KPNA6: variants seen among roughly 807,000 people sequenced by gnomAD.
KPNA6 encodes karyopherin subunit alpha 6, also known as importin subunit alpha-7.
Under a neutral mutation model 72.0 loss-of-function variants are expected in KPNA6, and 9 were observed. The ratio of observed to expected loss-of-function variants is 0.13; its 90% CI spans 0.08 to 0.22. The LOEUF is 0.22. Among genes scored for constraint, KPNA6 ranks in the 10% least tolerant of loss-of-function variants. The probability of loss-of-function intolerance (pLI) is 1.00; values close to 1 mark genes in which losing one functional copy is unlikely to be tolerated. For missense variants in KPNA6, 374 were observed against 655.7 expected (o/e 0.57, Z 4.69); for synonymous variants, 219 against 242.1 (o/e 0.90, Z 0.89).
intron 1 of KPNA6, among the ~76,000 whole-genome samples, chr1:32,124,032 C>CAAAA (rs771086945): frequency 2.1e-4 from 9 of 43,110 alleles, no homozygotes; most frequent in African/African-American, 4.4e-4. Flanking sequence ...GACTCTGTCT[C>CAAAA]AAAAAAAAAA....
chr1:32,119,033 T>TATATATATATA (rs1491488662), intron 1 of KPNA6, among the ~76,000 whole-genome samples: 5 of 36,810 alleles, frequency 1.4e-4, no homozygotes, highest in Admixed American at 5.8e-4. Context: ...TATATATATA[T>TATATATATATA]TTTTTTTTTT....
intron 10 of KPNA6, 78 bp from the exon 11 acceptor site, chr1:32,166,026 AC>A: frequency 9.5e-6 from 14 of 1,479,932 alleles, no homozygotes; most frequent in East Asian, 4.9e-5. Context: ...AACAACAACA[AC>A]AACAACAACA....
intron 1 of KPNA6, among the ~76,000 whole-genome samples, chr1:32,108,618 G>C (rs146452971): frequency 3.7e-4 from 57 of 152,356 alleles, no homozygotes; most frequent in Non-Finnish European, 6.9e-4. Flanking sequence ...GACGTCAGGC[G>C]AGCCAGCACT....
intron 1 of KPNA6, among the ~76,000 whole-genome samples, chr1:32,119,032 A>ATATATATATTTTTTTT (rs1167325052): frequency 2.5e-5 from 1 of 40,280 alleles, no homozygotes; most frequent in Non-Finnish European, 4.1e-5. Flanking sequence ...ATATATATAT[A>ATATATATATTTTTTTT]TTTTTTTTTT....
At chr1:32,143,584 A>AG (rs1256385662) in intron 1 of KPNA6, among the ~76,000 whole-genome samples, 1 of 147,806 alleles carries the variant, frequency 6.8e-6, no homozygotes, top group Non-Finnish European at 1.5e-5. Context: ...AAAAAAAAAA[A>AG]AAGAAAAGAA....
chr1:32,151,704 TCA>T (rs1642035828), intron 1 of KPNA6, among the ~76,000 whole-genome samples: 1 of 152,202 alleles, frequency 6.6e-6, no homozygotes. Flanking sequence ...TCTTGGAGAA[TCA>T]CAATTCTGCA....
intron 2 of KPNA6, among the ~76,000 whole-genome samples, chr1:32,155,587 TC>T (rs1329458237): frequency 1.3e-5 from 2 of 152,082 alleles, no homozygotes; most frequent in African/African-American, 4.8e-5. Flanking sequence ...CGCCTCAGCC[TC>T]CCATAGTGCT....
chr1:32,140,020 TAAG>T (rs1641810135), intron 1 of KPNA6, among the ~76,000 whole-genome samples: 1 of 152,200 alleles, frequency 6.6e-6, no homozygotes, highest in Admixed American at 6.5e-5. Flanking sequence ...TTGAAATAAT[TAAG>T]AAATTTGAAT....
At chr1:32,108,554 C>T (rs908402031) in intron 1 of KPNA6, among the ~76,000 whole-genome samples, 2 of 152,242 alleles carry the variant, frequency 1.3e-5, no homozygotes, top group East Asian at 3.9e-4. Context: ...CAGTGGCTCC[C>T]CTGAACTCAG....
chr1:32,114,437 G>GTC (rs1298266042), intron 1 of KPNA6, among the ~76,000 whole-genome samples: 15 of 133,570 alleles, frequency 1.1e-4, no homozygotes, highest in African/African-American at 4.3e-4. Flanking sequence ...ACGAAACTCT[G>GTC]TCTCAAAAAA....
chr1:32,109,480 TG>T (rs1304518882), intron 1 of KPNA6, among the ~76,000 whole-genome samples: 3 of 151,762 alleles, frequency 2.0e-5, no homozygotes, highest in African/African-American at 7.3e-5. Context: ...CCTGTTTTTT[TG>T]TTTTGTTTTT....
At chr1:32,137,947 C>T (rs1048640382) in intron 1 of KPNA6, among the ~76,000 whole-genome samples, 1 of 152,030 alleles carries the variant, frequency 6.6e-6, no homozygotes, top group Non-Finnish European at 1.5e-5. Flanking sequence ...CCAGCCTGGC[C>T]AACATGGTGA....
intron 1 of KPNA6, among the ~76,000 whole-genome samples, chr1:32,141,503 T>G (rs1198082493): frequency 6.8e-6 from 1 of 146,854 alleles, no homozygotes; most frequent in Non-Finnish European, 1.5e-5. Flanking sequence ...GTTCAAGCAA[T>G]TCTTCTGTCT....
intron 1 of KPNA6, among the ~76,000 whole-genome samples, chr1:32,109,647 CTT>C (rs34762782): frequency 1.2e-4 from 17 of 139,234 alleles, no homozygotes; most frequent in African/African-American, 1.6e-4. Context: ...ATTATGAAAT[CTT>C]TTTTTTTTTT....
In KPNA6 at chr1:32,148,803, C is replaced by T. The variant is rs570014657; in HGVS notation, c.5-5785C>T. Among the ~76,000 whole-genome samples, 93 of 152,106 alleles carry T rather than the reference C, an allele frequency of 6.1e-4. 1 individual carries two copies. Among genetic ancestry groups the T allele is most frequent in the African/African-American group, 2.0e-3 (84 of 41,494 alleles). On this transcript the variant is annotated intron_variant, in intron 1 of 13. Coordinates refer to ENST00000373625, the MANE Select transcript of KPNA6 (RefSeq NM_012316.5). ...CAAACATCTGACCTTGTGATCCACC[C>T]GCCTCAGCCTCCCAAAGTGCTGGGA...
chr1:32,153,364 G>A (rs568999887), intron 1 of KPNA6, among the ~76,000 whole-genome samples: 1 of 151,878 alleles, frequency 6.6e-6, no homozygotes, highest in Non-Finnish European at 1.5e-5. Context: ...TCAGGAGTTC[G>A]AGATCAGCCT....
At chr1:32,127,644 G>T (rs1388558018) in intron 1 of KPNA6, among the ~76,000 whole-genome samples, 1 of 152,184 alleles carries the variant, frequency 6.6e-6, no homozygotes, top group African/African-American at 2.4e-5. Context: ...CAGAATAGAG[G>T]CCAGGTAACC....
intron 12 of KPNA6, among the ~76,000 whole-genome samples, chr1:32,168,534 G>A (rs953812646): frequency 6.6e-6 from 1 of 152,204 alleles, no homozygotes; most frequent in African/African-American, 2.4e-5. Flanking sequence ...AGTGGAAAGT[G>A]GTGGGAATAG....
chr1:32,166,243 G>A lies in KPNA6; in HGVS notation c.1116+13G>A, dbSNP rs1374158009. On this transcript the variant is annotated intron_variant, in intron 11 of 13. Coordinates refer to ENST00000373625, the MANE Select transcript of KPNA6 (RefSeq NM_012316.5). ...GGCTCAAATACAGGTAAAACAGGCA[G>A]GGAAGTCAAGGGGCATGGGAAGTCA... 15 of 1,608,460 alleles carry A rather than the reference G, an allele frequency of 9.3e-6. No homozygotes were observed. The highest frequency in any genetic ancestry group is 1.3e-5 in the Non-Finnish European group (15 of 1,178,262).
Sources: allele counts gnomAD v4.1 joint callset (sites outside exome capture counted in the v4.1 genomes callset), GRCh38; gene constraint gnomAD v4.1.1; transcripts MANE v1.5; gene names NCBI Gene and HGNC (gene_info 2026-07-23, HGNC 2026-07-21).